BMPR1B: variants seen among roughly 807,000 people sequenced by gnomAD.
The protein encoded by BMPR1B is bone morphogenetic protein receptor type 1B.
Under a neutral mutation model 59.1 loss-of-function variants are expected in BMPR1B, and 12 were observed. The ratio of observed to expected loss-of-function variants is 0.20; its 90% CI spans 0.13 to 0.33. The LOEUF (loss-of-function observed/expected upper bound fraction) is 0.33. Among genes scored for constraint, BMPR1B ranks in the 10% least tolerant of loss-of-function variants. The pLI is 1.00. For synonymous variants in BMPR1B, 237 were observed against 207.3 expected (o/e 1.14, Z -1.23); for missense variants, 550 against 610.9 (o/e 0.90, Z 1.05).
intron 2 of BMPR1B, among the ~76,000 whole-genome samples, chr4:94,930,827 C>T (rs1370342374): frequency 1.3e-5 from 2 of 152,118 alleles, no homozygotes; most frequent in Non-Finnish European, 2.9e-5. Flanking sequence ...ATTTTCAAGG[C>T]ATCCAACCAT....
chr4:95,013,473 G>A (rs1723363081), intron 3 of BMPR1B, among the ~76,000 whole-genome samples: 1 of 152,060 alleles, frequency 6.6e-6, no homozygotes, highest in Non-Finnish European at 1.5e-5. Flanking sequence ...GCCTCCCCAG[G>A]CTAGCTATTT....
intron 3 of BMPR1B, among the ~76,000 whole-genome samples, chr4:94,998,874 C>T (rs1722253733): frequency 6.6e-6 from 1 of 152,154 alleles, no homozygotes; most frequent in Non-Finnish European, 1.5e-5. Flanking sequence ...ATCTCTCTTG[C>T]CCATCCATGA....
intron 3 of BMPR1B, among the ~76,000 whole-genome samples, chr4:95,083,287 C>T (rs371648927): frequency 6.6e-6 from 1 of 151,962 alleles, no homozygotes; most frequent in East Asian, 1.9e-4. Flanking sequence ...CAAGAACTGT[C>T]CTTATCTGTT....
At chr4:94,789,323 GTA>G (rs1722880306) in intron 1 of BMPR1B, among the ~76,000 whole-genome samples, 1 of 152,156 alleles carries the variant, frequency 6.6e-6, no homozygotes, top group South Asian at 2.1e-4. Context: ...TCAACTTCTA[GTA>G]TAGTTTTAAG....
At chr4:95,102,062 A>T (rs1730865712) in intron 3 of BMPR1B, among the ~76,000 whole-genome samples, 1 of 152,216 alleles carries the variant, frequency 6.6e-6, no homozygotes, top group Non-Finnish European at 1.5e-5. Flanking sequence ...ATGGCTATAT[A>T]GGAATCCCAT....
At chr4:94,926,161 C>T (rs769199004) in intron 2 of BMPR1B, among the ~76,000 whole-genome samples, 1 of 148,962 alleles carries the variant, frequency 6.7e-6, no homozygotes, top group Non-Finnish European at 1.5e-5. Flanking sequence ...TTGAAAATGA[C>T]AGCTCTAATA....
rs551459043 is a variant in BMPR1B, at chr4:95,068,563, G to A, written c.-17-35845G>A. Among the ~76,000 whole-genome samples, 3 of 152,274 alleles carry A rather than the reference G, an allele frequency of 2.0e-5. No homozygotes were observed. The South Asian group carries it at 6.2e-4, about 32-fold the overall frequency. ...CTAGGAGCAACCATTCTATACTCAT[G>A]TATAACCTGCAATGAGGGCTGGTTA... is the stretch of plus-strand genomic sequence containing the variant. On this transcript the variant is annotated intron_variant, in intron 3 of 12. Transcript: ENST00000515059.
chr4:95,121,700 T>C (rs995772552), intron 6 of BMPR1B, among the ~76,000 whole-genome samples: 7 of 149,092 alleles, frequency 4.7e-5, no homozygotes, highest in African/African-American at 1.8e-4. Context: ...ATTGGAATTC[T>C]TTTTTCTTAT....
At chr4:94,780,167 A>G (rs1003782018) in intron 1 of BMPR1B, among the ~76,000 whole-genome samples, 19 of 152,106 alleles carry the variant, frequency 1.2e-4, no homozygotes, top group African/African-American at 4.3e-4. Context: ...TTTTCATGTC[A>G]CTTTAATATT....
In BMPR1B at chr4:94,777,484, A is replaced by G. The variant is rs183474501; in HGVS notation, c.-183+19416A>G. 1.7e-3 allele frequency among the ~76,000 whole-genome samples: 259 copies of G among 152,264 alleles called. 2 individuals are homozygous for G. In the East Asian group the frequency reaches 0.039, roughly 23 times the overall value. The stretch of plus-strand genomic sequence containing the variant: ...AATTAACCCTAATCATTTTTCTGTT[A>G]TTATGGTTCTGAGTTTTACTTAATA... On this transcript the variant is annotated intron_variant, in intron 1 of 12. Transcript: ENST00000515059.
chr4:95,077,389 G>A (rs111614327), intron 3 of BMPR1B, among the ~76,000 whole-genome samples: 47 of 152,240 alleles, frequency 3.1e-4, no homozygotes, highest in African/African-American at 1.1e-3. Context: ...GCTCCGTTAA[G>A]AGTTATATGA....
At chr4:94,821,679 A>T (rs1578682226) in intron 1 of BMPR1B, among the ~76,000 whole-genome samples, 1 of 152,296 alleles carries the variant, frequency 6.6e-6, no homozygotes, top group East Asian at 1.9e-4. Context: ...GGTACTGGAG[A>T]TATGGGAGCG....
At chr4:95,150,925 T>C (rs1396104448) in intron 11 of BMPR1B, among the ~76,000 whole-genome samples, 1 of 152,158 alleles carries the variant, frequency 6.6e-6, no homozygotes, top group African/African-American at 2.4e-5. Context: ...ATAAGATAAT[T>C]TATATAGCAT....
rs1727967613 is a variant in BMPR1B at position 94,904,620 on chromosome 4, T to TGA, written c.-113+28721_-113+28722insAG. On this transcript the variant is annotated intron_variant, in intron 2 of 12. Transcript: ENST00000515059. The stretch of plus-strand genomic sequence containing the variant: ...TTTGTTCAGTTGTGAAACATTCTTT[T>TGA]GCTTATTCTAAAATGAAAGATGTGC... Among the ~76,000 whole-genome samples, 4 of 152,184 alleles carry TGA rather than the reference T, an allele frequency of 2.6e-5. No individual in the cohort carries two copies. In the East Asian group the frequency reaches 7.7e-4, roughly 29 times the overall value.
intron 2 of BMPR1B, among the ~76,000 whole-genome samples, chr4:94,990,423 C>T (rs770200779): frequency 6.6e-6 from 1 of 151,936 alleles, no homozygotes; most frequent in Non-Finnish European, 1.5e-5. Flanking sequence ...TTCATAATGG[C>T]CCAAAAGTGG....
At chr4:95,048,675 A>G (rs1428270635) in intron 3 of BMPR1B, among the ~76,000 whole-genome samples, 2 of 152,078 alleles carry the variant, frequency 1.3e-5, no homozygotes, top group African/African-American at 4.8e-5. Context: ...GAATTGTGAA[A>G]CCAGTTCTTG....
chr4:94,863,670 T>C (rs1158535888), intron 1 of BMPR1B, among the ~76,000 whole-genome samples: 1 of 152,244 alleles, frequency 6.6e-6, no homozygotes, highest in Non-Finnish European at 1.5e-5. Flanking sequence ...TATGATATGA[T>C]TTTTCTTAAG....
chr4:94,798,566 G>A lies in BMPR1B; in HGVS notation c.-183+40498G>A, dbSNP rs568132754. 1.2e-4 allele frequency among the ~76,000 whole-genome samples: 19 copies of A among 152,278 alleles called. No homozygotes were observed. The East Asian group carries it at 3.7e-3, about 29-fold the overall frequency. On this transcript the variant is annotated intron_variant, in intron 1 of 12. Transcript: ENST00000515059. ...CAACCATTTCCTTGCTCCCACGGAC[G>A]TTTACTCAGAAGCCAGGCAGCATCG...
At chr4:94,992,136 A>G (rs1176633304) in intron 2 of BMPR1B, among the ~76,000 whole-genome samples, 12 of 152,234 alleles carry the variant, frequency 7.9e-5, no homozygotes, top group Admixed American at 7.8e-4. Context: ...CTCTTCATGT[A>G]TTCCTTGCCC....
Sources: gnomAD v4.1 joint callset for allele counts (sites outside exome capture counted in the v4.1 genomes callset) on GRCh38, gnomAD v4.1.1 for gene constraint, MANE v1.5 for transcripts, NCBI Gene and HGNC (gene_info 2026-07-23, HGNC 2026-07-21) for gene names.